SHROOM2: variants seen among roughly 807,000 people sequenced by gnomAD.
The protein encoded by SHROOM2 is protein Shroom2.
SHROOM2 carries 33 observed loss-of-function variants against 75.9 expected under a neutral mutation model. The ratio of observed to expected loss-of-function variants is 0.43; its 90% confidence interval spans 0.33 to 0.58. The LOEUF (loss-of-function observed/expected upper bound fraction) is 0.58. SHROOM2 is among the 20% of genes least tolerant of loss of function. The pLI is 0.04. For synonymous variants in SHROOM2, 655 were observed against 663.6 expected (o/e 0.99, Z 0.20); for missense variants, 1,434 against 1,461.2 (o/e 0.98, Z 0.30).
At chrX:9,853,429 G>C (rs2084050993) in intron 1 of SHROOM2, among the ~76,000 whole-genome samples, 1 of 112,579 alleles carries the variant, frequency 8.9e-6, no homozygotes, top group Non-Finnish European at 1.9e-5. Context: ...TTGTCTCATA[G>C]TAAAGAGGCC....
In SHROOM2 at chrX:9,932,253, C is replaced by A; in HGVS notation, c.2970C>A (p.Pro990=). Residue 990 remains proline, a synonymous_variant, in exon 6 of 10, where the codon CCC becomes CCA. Coordinates refer to ENST00000380913, the MANE Select transcript of SHROOM2 (RefSeq NM_001649.4). Reference sequence around the variant, plus strand: ...CGAGTCAGAAGGCACCGAACCCACCCACATTCTCTGAACTATCTCACTGCC... The same window carrying A: ...CGAGTCAGAAGGCACCGAACCCACCAACATTCTCTGAACTATCTCACTGCC... The part of the protein sequence containing the change: ...HPPSQKAPNP[P]TFSELSHCRG... 8.4e-7 allele frequency: 1 copy of A among 1,187,655 alleles called. No homozygotes were observed. Among genetic ancestry groups the A allele is most frequent in the Non-Finnish European group, 1.1e-6 (1 of 881,856 alleles).
At position 9,947,477 on chromosome X, in the gene SHROOM2, T is replaced by C. The variant is rs2084832385; in HGVS notation, c.*540T>C. On this transcript the variant is annotated 3_prime_UTR_variant, in exon 10 of 10. Transcript: ENST00000380913. ...CCAGCAGAAATCATCATCATGATGA[T>C]GATAATTTATTAACTTTTTGGAAGG... The C allele has an allele frequency of 8.8e-6, 1 of 113,452 alleles. No homozygotes were observed. Among genetic ancestry groups the C allele is most frequent in the African/African-American group, 3.2e-5 (1 of 30,954 alleles). 9.3% of individuals were successfully genotyped at this position (113,452 alleles called of 1,213,427 possible). A position where few individuals can be genotyped will look rare whatever the true frequency, so the allele number is the denominator to read the frequency against.
chrX:9,833,932 C>CCTG (rs1258962241), intron 1 of SHROOM2, among the ~76,000 whole-genome samples: 1 of 111,316 alleles, frequency 9.0e-6, no homozygotes, highest in African/African-American at 3.3e-5. Context: ...GTTCTACAGA[C>CCTG]CTGCAGCCTC....
At chrX:9,797,855 G>A (rs1342941582) in intron 1 of SHROOM2, among the ~76,000 whole-genome samples, 2 of 112,090 alleles carry the variant, frequency 1.8e-5, no homozygotes, top group Non-Finnish European at 3.8e-5. Flanking sequence ...TCAGGGATTG[G>A]ACCTTCCTCC....
chrX:9,878,946 T>C (rs952938177), intron 2 of SHROOM2, among the ~76,000 whole-genome samples: 13 of 112,206 alleles, frequency 1.2e-4, no homozygotes, highest in African/African-American at 3.6e-4. Flanking sequence ...ACTGTGCTTA[T>C]TTTCTTGTTA....
At position 9,937,626 on chromosome X, in the gene SHROOM2, A is replaced by G. The variant is rs201079297; in HGVS notation, c.4080A>G (p.Glu1360=). The change falls in exon 7 of 10, where the codon GAA becomes GAG. Residue 1360 remains glutamate, a synonymous_variant. Transcript: ENST00000380913. Reference sequence around the variant, plus strand: ...CCAAAGACGAGCACCTCCTGGAAGAAGCCCAGCAACGGAGGAAGCTGCTCC... The same window carrying G: ...CCAAAGACGAGCACCTCCTGGAAGAGGCCCAGCAACGGAGGAAGCTGCTCC... ...IFPKDEHLLE[E]AQQRRKLLPK... is the part of the protein sequence containing the mutation. 3.1e-5 allele frequency: 37 copies of G among 1,208,548 alleles called. No individual in the cohort carries two copies. In the Admixed American group the frequency reaches 7.9e-4, roughly 26 times the overall value.
At chrX:9,793,292 T>TC (rs1387376616) in intron 1 of SHROOM2, among the ~76,000 whole-genome samples, 4 of 109,733 alleles carry the variant, frequency 3.6e-5, no homozygotes, top group African/African-American at 1.3e-4. Flanking sequence ...TAGCCTTTTT[T>TC]CCACTCTTTT....
chrX:9,931,378 G>A (rs2084646872), intron 5 of SHROOM2, among the ~76,000 whole-genome samples: 1 of 111,162 alleles, frequency 9.0e-6, no homozygotes, highest in South Asian at 3.9e-4. Flanking sequence ...GCCGGGCGTG[G>A]TGGCGCATGC....
At chrX:9,924,649 T>C (rs6640568) in intron 5 of SHROOM2, among the ~76,000 whole-genome samples, 55,160 of 106,550 alleles carry the variant, frequency 0.52, 12,393 homozygotes, top group African/African-American at 0.84. Flanking sequence ...GGGCACCACA[T>C]CCAGGCTTTT....
chrX:9,805,632 G>A (rs1056119045), intron 1 of SHROOM2, among the ~76,000 whole-genome samples: 1 of 112,162 alleles, frequency 8.9e-6, no homozygotes, highest in Non-Finnish European at 1.9e-5. Context: ...AGCTGCTCGG[G>A]AGGCTGAGGC....
At chrX:9,874,374 A>G (rs1289269229) in intron 2 of SHROOM2, among the ~76,000 whole-genome samples, 2 of 112,259 alleles carry the variant, frequency 1.8e-5, no homozygotes, top group Admixed American at 1.9e-4. Context: ...TACTCCAGGT[A>G]CCACAAGAGT....
intron 1 of SHROOM2, among the ~76,000 whole-genome samples, chrX:9,789,703 G>A (rs894112199): frequency 1.8e-5 from 2 of 111,362 alleles, no homozygotes; most frequent in Non-Finnish European, 3.8e-5. Flanking sequence ...CCAGCTGGGT[G>A]TCAGCAGCCC....
intron 1 of SHROOM2, among the ~76,000 whole-genome samples, chrX:9,828,374 G>T (rs1449566158): frequency 8.9e-6 from 1 of 112,157 alleles, no homozygotes; most frequent in Non-Finnish European, 1.9e-5. Context: ...GGATGCTTCT[G>T]ATCATAGGCT....
At position 9,786,723 on chromosome X, in the gene SHROOM2, C is replaced by G; in HGVS notation, c.165+13C>G. On this transcript the variant is annotated intron_variant, in intron 1 of 9. Coordinates refer to ENST00000380913, the MANE Select transcript of SHROOM2 (RefSeq NM_001649.4). Reference sequence around the variant, plus strand: ...GGTCATCACCAAGGTAAGGCGGCCGCGGGGCGCGGGCGCTGACAGCCGGGA... The same window carrying G: ...GGTCATCACCAAGGTAAGGCGGCCGGGGGGCGCGGGCGCTGACAGCCGGGA... The G allele has an allele frequency of 1.1e-6, 1 of 880,067 alleles. No individual in the cohort carries two copies. The highest frequency in any genetic ancestry group is 1.4e-6 in the Non-Finnish European group (1 of 718,590). 72.5% of individuals were successfully genotyped at this position (880,067 alleles called of 1,213,427 possible).
chrX:9,858,879 C>CAACAA (rs2084087249), intron 1 of SHROOM2, among the ~76,000 whole-genome samples: 1 of 111,345 alleles, frequency 9.0e-6, no homozygotes, highest in Non-Finnish European at 1.9e-5. Flanking sequence ...GGCTGGAAGC[C>CAACAA]TGCTGGCGGT....
At chrX:9,891,216 A>G in intron 3 of SHROOM2, 108 bp downstream of exon 3, 2 of 929,918 alleles carry the variant, frequency 2.2e-6, no homozygotes, top group Non-Finnish European at 2.9e-6. Context: ...TGGGCCACCG[A>G]CACATAATCA....
Position 9,947,160 on chromosome X carries a change from A to T in SHROOM2, c.*223A>T. 2.4e-6 allele frequency: 1 copy of T among 409,663 alleles called. No homozygotes were observed. Among genetic ancestry groups the T allele is most frequent in the East Asian group, 4.1e-5 (1 of 24,291 alleles). The allele number at this position is 409,663 out of a possible 1,213,427, so 33.8% of individuals were successfully genotyped here. A position where few individuals can be genotyped will look rare whatever the true frequency, so the allele number is the denominator to read the frequency against. On this transcript the variant is annotated 3_prime_UTR_variant, in exon 10 of 10. Coordinates refer to ENST00000380913, the MANE Select transcript of SHROOM2 (RefSeq NM_001649.4). The stretch of plus-strand genomic sequence containing the variant: ...TGAGAGCCATTTTCCTTTACACATA[A>T]CTACACCTGACACCAGGCTCTGCTG...
chrX:9,895,795 C>A lies in SHROOM2; in HGVS notation c.1887C>A (p.Thr629=). The A allele has an allele frequency of 1.7e-6, 2 of 1,203,715 alleles. No individual in the cohort carries two copies. The highest frequency in any genetic ancestry group is 2.2e-6 in the Non-Finnish European group (2 of 891,329). Residue 629 remains threonine (T), a synonymous_variant, in exon 4 of 10, where the codon ACC becomes ACA. Coordinates refer to ENST00000380913, the MANE Select transcript of SHROOM2 (RefSeq NM_001649.4). ...GAAGAAGCGACCGCTTTGCCACCAC[C>A]CTGCGGAATGAGATCCAGATGCATA... is the stretch of plus-strand genomic sequence containing the variant. ...PTRRSDRFAT[T]LRNEIQMHRA...
chrX:9,880,529 G>A (rs140409489), intron 2 of SHROOM2, among the ~76,000 whole-genome samples: 2 of 112,797 alleles, frequency 1.8e-5, no homozygotes, highest in African/African-American at 6.4e-5. Context: ...AGCCATGAGC[G>A]ATGGCTGCCC....
Sources: gnomAD v4.1 joint callset for allele counts (sites outside exome capture counted in the v4.1 genomes callset) on GRCh38, gnomAD v4.1.1 for gene constraint, MANE v1.5 for transcripts, NCBI Gene and HGNC (gene_info 2026-07-23, HGNC 2026-07-21) for gene names.